Variants in SUGCT observed in about 807,000 individuals in gnomAD.
SUGCT encodes succinyl-CoA:glutarate-CoA transferase.
SUGCT carries 41 observed loss-of-function variants against 55.0 expected under a neutral mutation model. That is an observed-to-expected ratio of 0.74 (90% CI 0.58 to 0.97). The LOEUF is 0.97. Among genes scored for constraint, SUGCT ranks in the 50% least tolerant of loss-of-function variants. SUGCT has a pLI of 0.00. For missense variants in SUGCT, 568 were observed against 547.8 expected (o/e 1.04, Z -0.37); for synonymous variants, 187 against 200.4 (o/e 0.93, Z 0.56).
intron 13 of SUGCT, among the ~76,000 whole-genome samples, chr7:40,793,816 T>C (rs1315288576): frequency 6.6e-6 from 1 of 152,088 alleles, no homozygotes; most frequent in African/African-American, 2.4e-5. Context: ...TTAACTTTCA[T>C]ATTTTTAAAG....
intron 9 of SUGCT, among the ~76,000 whole-genome samples, chr7:40,410,631 C>T (rs1786620385): frequency 6.6e-6 from 1 of 151,938 alleles, no homozygotes; most frequent in South Asian, 2.1e-4. Flanking sequence ...TTTGTCTTAC[C>T]TAACTTCTTT....
chr7:40,623,765 A>G (rs1376550674), intron 12 of SUGCT, among the ~76,000 whole-genome samples: 1 of 151,880 alleles, frequency 6.6e-6, no homozygotes, highest in African/African-American at 2.4e-5. Flanking sequence ...TGTGTAATCA[A>G]TAATTTTTTG....
chr7:40,942,282 C>A, the SUGCT span, among the ~76,000 whole-genome samples: 1 of 152,066 alleles, frequency 6.6e-6, no homozygotes, highest in Admixed American at 6.6e-5. Context: ...CCAGCATTTG[C>A]TTGTCTGAAA....
intron 9 of SUGCT, among the ~76,000 whole-genome samples, chr7:40,392,410 TAAAG>T (rs1562742188): frequency 6.6e-6 from 1 of 152,120 alleles, no homozygotes; most frequent in African/African-American, 2.4e-5. Context: ...TCATGAATCT[TAAAG>T]TATATGGGTT....
chr7:41,013,317 T>C, the SUGCT span, among the ~76,000 whole-genome samples: 2 of 152,190 alleles, frequency 1.3e-5, no homozygotes, highest in Admixed American at 6.5e-5. Context: ...TAGTACATCA[T>C]GTAAAATTAG....
At chr7:40,618,483 T>C (rs1464165161) in intron 12 of SUGCT, among the ~76,000 whole-genome samples, 3 of 152,212 alleles carry the variant, frequency 2.0e-5, no homozygotes, top group Non-Finnish European at 2.9e-5. Flanking sequence ...CAAGTAACTT[T>C]GTTTTCATGA....
At chr7:40,703,210 G>T (rs534922147) in intron 12 of SUGCT, among the ~76,000 whole-genome samples, 1 of 152,060 alleles carries the variant, frequency 6.6e-6, no homozygotes, top group African/African-American at 2.4e-5. Flanking sequence ...GATCACAGGC[G>T]TGTGCCACCA....
intron 12 of SUGCT, among the ~76,000 whole-genome samples, chr7:40,539,958 TAG>T (rs1456044859): frequency 7.9e-5 from 12 of 152,022 alleles, no homozygotes; most frequent in Non-Finnish European, 4.4e-5. Flanking sequence ...ATCTGGGGAG[TAG>T]ATAACATTAT....
intron 8 of SUGCT, among the ~76,000 whole-genome samples, chr7:40,275,356 A>G (rs1018168801): frequency 2.6e-5 from 4 of 152,208 alleles, no homozygotes; most frequent in African/African-American, 9.6e-5. Flanking sequence ...TTTTGAACAC[A>G]TAAAATAAGG....
At chr7:40,525,484 A>G (rs1245072213) in intron 12 of SUGCT, among the ~76,000 whole-genome samples, 1 of 152,168 alleles carries the variant, frequency 6.6e-6, no homozygotes. Flanking sequence ...CATGAGAAGT[A>G]TAAAGGAAAA....
chr7:40,493,000 G>A (rs537077776), intron 11 of SUGCT, among the ~76,000 whole-genome samples: 6 of 152,230 alleles, frequency 3.9e-5, no homozygotes, highest in East Asian at 1.9e-4. Flanking sequence ...AGGTATATAC[G>A]ATAGAAGTGA....
intron 12 of SUGCT, among the ~76,000 whole-genome samples, chr7:40,583,883 C>T (rs1371602741): frequency 2.6e-5 from 4 of 152,118 alleles, no homozygotes; most frequent in African/African-American, 9.7e-5. Context: ...GTTAGTCTCT[C>T]GATACATGCT....
chr7:40,927,673 T>G, the SUGCT span, among the ~76,000 whole-genome samples: 1 of 152,202 alleles, frequency 6.6e-6, no homozygotes, highest in Non-Finnish European at 1.5e-5. Flanking sequence ...ATGATGTCCC[T>G]GCAATATATG....
At chr7:40,650,495 T>A (rs1264209100) in intron 12 of SUGCT, among the ~76,000 whole-genome samples, 1 of 152,148 alleles carries the variant, frequency 6.6e-6, no homozygotes, top group East Asian at 1.9e-4. Context: ...CCGCTCCCTG[T>A]GTATATGTTT....
chr7:40,985,919 A>G, the SUGCT span, among the ~76,000 whole-genome samples: 1 of 152,234 alleles, frequency 6.6e-6, no homozygotes, highest in Non-Finnish European at 1.5e-5. Flanking sequence ...TTTAAACAAA[A>G]AATGAAAGCC....
chr7:40,751,784 A>G (rs1040076383), intron 13 of SUGCT, among the ~76,000 whole-genome samples: 4 of 152,216 alleles, frequency 2.6e-5, no homozygotes, highest in Non-Finnish European at 5.9e-5. Flanking sequence ...CATTAGAGAA[A>G]GGGTAAGCAT....
intron 9 of SUGCT, among the ~76,000 whole-genome samples, chr7:40,440,135 G>A (rs1219233496): frequency 9.3e-6 from 1 of 107,976 alleles, no homozygotes; most frequent in African/African-American, 3.7e-5. Flanking sequence ...TTTTTTGTCT[G>A]TGTGTGTGTG....
At chr7:40,162,027 G>T (rs377434227) in intron 1 of SUGCT, among the ~76,000 whole-genome samples, 1 of 151,964 alleles carries the variant, frequency 6.6e-6, no homozygotes, top group African/African-American at 2.4e-5. Context: ...CTCCCAAGTA[G>T]CTGGGATTAC....
chr7:40,261,179 C>T (rs958771683), intron 7 of SUGCT, among the ~76,000 whole-genome samples: 6 of 152,094 alleles, frequency 3.9e-5, no homozygotes, highest in Non-Finnish European at 4.4e-5. Context: ...CTGTTTTAAT[C>T]TATTTTTATG....
Sources: gnomAD v4.1 joint callset for allele counts (sites outside exome capture counted in the v4.1 genomes callset) on GRCh38, gnomAD v4.1.1 for gene constraint, MANE v1.5 for transcripts, NCBI Gene and HGNC (gene_info 2026-07-23, HGNC 2026-07-21) for gene names.